SLC16A10: variants seen among roughly 807,000 people sequenced by gnomAD.
The protein encoded by SLC16A10 is solute carrier family 16 member 10.
In SLC16A10, 27 loss-of-function variants were observed where a neutral mutation model predicts 40.0. The ratio of observed to expected loss-of-function variants is 0.67; its 90% CI spans 0.50 to 0.93. The LOEUF is 0.93. SLC16A10 is among the 40% of genes least tolerant of loss of function. The pLI, the probability that SLC16A10 is intolerant of heterozygous loss-of-function variation, is 0.00. For missense variants in SLC16A10, 529 were observed against 658.2 expected (o/e 0.80, Z 2.15); for synonymous variants, 213 against 249.8 (o/e 0.85, Z 1.39).
At chr6:111,099,090 CA>C (rs1583301496) in intron 1 of SLC16A10, among the ~76,000 whole-genome samples, 1 of 152,140 alleles carries the variant, frequency 6.6e-6, no homozygotes, top group Non-Finnish European at 1.5e-5. Context: ...TGGTTCAAAA[CA>C]AATGTTTAAT....
At chr6:111,095,642 A>G (rs1018577863) in intron 1 of SLC16A10, among the ~76,000 whole-genome samples, 1 of 152,140 alleles carries the variant, frequency 6.6e-6, no homozygotes, top group Non-Finnish European at 1.5e-5. Context: ...GAGGGAGGTA[A>G]TTACCTGGTG....
chr6:111,127,685 A>G lies in SLC16A10; in HGVS notation c.343+39590A>G, dbSNP rs779495184. 6.4e-4 allele frequency among the ~76,000 whole-genome samples: 98 copies of G among 152,272 alleles called. 2 individuals are homozygous for G. Among genetic ancestry groups the G allele is most frequent in the Middle Eastern group, 3.4e-3 (1 of 294 alleles). On this transcript the variant is annotated intron_variant, in intron 1 of 5. Coordinates refer to ENST00000368851, the MANE Select transcript of SLC16A10 (RefSeq NM_018593.5). Reference sequence around the variant, plus strand: ...GTACTCCTAATCTGATCATTGGATGATATTTATCACGTATTTTTGCAGCAG... The same window carrying G: ...GTACTCCTAATCTGATCATTGGATGGTATTTATCACGTATTTTTGCAGCAG...
Position 111,219,023 on chromosome 6 carries a change from T to TG in SLC16A10, c.1297dup (p.Val433GlyfsTer11). On this transcript the variant is annotated frameshift_variant, in exon 5 of 6. Transcript: ENST00000368851. LOFTEE classifies it high-confidence loss of function. ...TCGGATTCATGTCTATACCCATGAC[T>TG]GTTGGCCCACCCATTGCAGGTAAAT... 1 of 1,614,188 alleles carries TG rather than the reference T, an allele frequency of 6.2e-7. No homozygotes were observed. The highest frequency in any genetic ancestry group is 1.1e-5 in the South Asian group (1 of 91,090).
At chr6:111,210,652 G>C (rs1166293327) in intron 4 of SLC16A10, among the ~76,000 whole-genome samples, 1 of 152,136 alleles carries the variant, frequency 6.6e-6, no homozygotes, top group Non-Finnish European at 1.5e-5. Context: ...CAAGAAGATG[G>C]GGAAAGTGGC....
At chr6:111,165,459 T>C (rs1321443547) in intron 1 of SLC16A10, among the ~76,000 whole-genome samples, 1 of 152,216 alleles carries the variant, frequency 6.6e-6, no homozygotes, top group Non-Finnish European at 1.5e-5. Context: ...CATAGAGGCC[T>C]TTTAAATATG....
chr6:111,090,022 A>G (rs1381080919), intron 1 of SLC16A10, among the ~76,000 whole-genome samples: 3 of 139,904 alleles, frequency 2.1e-5, no homozygotes, highest in African/African-American at 8.1e-5. Flanking sequence ...CAAAGTCTCT[A>G]CCTACTACTT....
intron 1 of SLC16A10, among the ~76,000 whole-genome samples, chr6:111,138,843 T>C (rs1005762408): frequency 7.9e-5 from 12 of 152,140 alleles, no homozygotes; most frequent in Non-Finnish European, 1.8e-4. Flanking sequence ...CTGACAGTTT[T>C]GGGGCTTATG....
Position 111,112,632 on chromosome 6 carries a change from A to G in SLC16A10, c.343+24537A>G, listed in dbSNP as rs553810848. Reference sequence around the variant, plus strand: ...AAGTTCTTTCTGAATGCTTCATATGAAGTAGGCAAAATTTGTATTCACATA... The same window carrying G: ...AAGTTCTTTCTGAATGCTTCATATGGAGTAGGCAAAATTTGTATTCACATA... On this transcript the variant is annotated intron_variant, in intron 1 of 5. Transcript: ENST00000368851. Among the ~76,000 whole-genome samples the G allele has an allele frequency of 3.1e-4, 47 of 152,358 alleles. 1 individual carries two copies. The highest frequency in any genetic ancestry group is 1.1e-3 in the African/African-American group (46 of 41,586).
chr6:111,093,061 GAAAAAAA>G (rs996780702), intron 1 of SLC16A10, among the ~76,000 whole-genome samples: 4 of 145,572 alleles, frequency 2.7e-5, no homozygotes, highest in African/African-American at 1.0e-4. Context: ...AAAAAGAAAA[GAAAAAAA>G]GAAAAAAGAA....
chr6:111,157,012 G>A (rs935984511), intron 1 of SLC16A10, among the ~76,000 whole-genome samples: 2 of 152,124 alleles, frequency 1.3e-5, no homozygotes, highest in African/African-American at 4.8e-5. Flanking sequence ...TCCACCTCCT[G>A]GTCTCAAGCG....
intron 1 of SLC16A10, among the ~76,000 whole-genome samples, chr6:111,097,400 T>A (rs1257479354): frequency 2.0e-5 from 3 of 152,052 alleles, no homozygotes; most frequent in Non-Finnish European, 4.4e-5. Context: ...CAACCTCCGA[T>A]GCCTGGGTTC....
At chr6:111,118,206 T>C (rs1189785451) in intron 1 of SLC16A10, among the ~76,000 whole-genome samples, 4 of 152,198 alleles carry the variant, frequency 2.6e-5, no homozygotes, top group Non-Finnish European at 4.4e-5. Context: ...ATTCAAACCA[T>C]TGGCCTCATA....
intron 1 of SLC16A10, among the ~76,000 whole-genome samples, chr6:111,098,518 G>T (rs1771117937): frequency 6.6e-6 from 1 of 152,074 alleles, no homozygotes. Flanking sequence ...CATTTAGATT[G>T]GATCCAAGAC....
intron 3 of SLC16A10, among the ~76,000 whole-genome samples, chr6:111,188,246 T>TCTCTCTCCCTCTCTCC (rs146358093): frequency 1.3e-5 from 2 of 151,114 alleles, no homozygotes; most frequent in Admixed American, 1.3e-4. Flanking sequence ...TCATTTACTT[T>TCTCTCTCCCTCTCTCC]CTCTCTCCCT....
intron 1 of SLC16A10, among the ~76,000 whole-genome samples, chr6:111,101,503 T>C (rs754641447): frequency 3.3e-5 from 5 of 152,208 alleles, no homozygotes; most frequent in Non-Finnish European, 7.3e-5. Flanking sequence ...ATAAGTGAGT[T>C]AAATAGAGAC....
rs754337806 is a variant in SLC16A10, at chr6:111,172,746, TCAGCGTCTTCA to T, written c.399_409del (p.Ser133ArgfsTer90). 15 of 1,614,192 alleles carry T rather than the reference TCAGCGTCTTCA, an allele frequency of 9.3e-6. No homozygotes were observed. The Admixed American group carries it at 2.5e-4, about 27-fold the overall frequency. On this transcript the variant is annotated frameshift_variant, in exon 2 of 6. Transcript: ENST00000368851. LOFTEE classifies it high-confidence loss of function. ...ATGATTTTCTTTTGCTGCCCAATAG[TCAGCGTCTTCA>T]CAGACCTATTTGGTTGTCGGAAAAC...
intron 4 of SLC16A10, 111 bp from the exon 5 acceptor site, chr6:111,218,703 G>T (rs2114594559): frequency 1.2e-6 from 1 of 819,308 alleles, no homozygotes; most frequent in Non-Finnish European, 2.1e-6. Context: ...TGAGGCAGTG[G>T]CAGGGGGGAA....
intron 1 of SLC16A10, among the ~76,000 whole-genome samples, chr6:111,124,390 C>G (rs539950405): frequency 6.7e-6 from 1 of 148,970 alleles, no homozygotes; most frequent in East Asian, 2.0e-4. Flanking sequence ...GAGTCTGGCT[C>G]TGTTGCTCAG....
rs541758500 is a variant in SLC16A10, at chr6:111,089,908, GTTTTTTTTTTTTTTT to G, written c.343+1837_343+1851del. On this transcript the variant is annotated intron_variant, in intron 1 of 5. Transcript: ENST00000368851. ...TAGATCCTTTGGTGTCTGTGGGTGG[GTTTTTTTTTTTTTTT>G]TTTTTTTTTTTTTTTTTTTTTTTGA... Among the ~76,000 whole-genome samples, 67 of 52,318 alleles carry G rather than the reference GTTTTTTTTTTTTTTT, an allele frequency of 1.3e-3. No homozygotes were observed. In the East Asian group the frequency reaches 0.014, roughly 11 times the overall value. The allele number at this position is 52,318 out of a possible 152,430, so 34.3% of individuals were successfully genotyped here. A position where few individuals can be genotyped will look rare whatever the true frequency, so the allele number is the denominator to read the frequency against.
Sources: allele counts gnomAD v4.1 joint callset (sites outside exome capture counted in the v4.1 genomes callset), GRCh38; gene constraint gnomAD v4.1.1; transcripts MANE v1.5; gene names NCBI Gene and HGNC (gene_info 2026-07-23, HGNC 2026-07-21).